The following ASB15 variants were observed in gnomAD, a reference collection of about 807,000 sequenced individuals.
ASB15 encodes ankyrin repeat and SOCS box protein 15.
Under a neutral mutation model 58.0 loss-of-function variants are expected in ASB15, and 54 were observed. The observed-to-expected ratio is 0.93, with a 90% CI of 0.75 to 1.17. The LOEUF is 1.17. ASB15 is among the 50% of genes most tolerant of loss of function. ASB15 has a pLI of 0.00. For missense variants in ASB15, 680 were observed against 707.4 expected (o/e 0.96, Z 0.44); for synonymous variants, 249 against 262.4 (o/e 0.95, Z 0.50).
intron 1 of ASB15, chr7:123,584,863 C>A (rs1799334463): frequency 6.6e-6 from 1 of 151,808 alleles, no homozygotes; most frequent in East Asian, 1.9e-4. Flanking sequence ...ACATATTTTC[C>A]TGGGTGAGAG....
chr7:123,572,409 G>A (rs1318001953), intron 1 of ASB15, among the ~76,000 whole-genome samples: 2 of 151,888 alleles, frequency 1.3e-5, no homozygotes, highest in African/African-American at 4.8e-5. Flanking sequence ...AAAGTACTGG[G>A]ATTACAGGCA....
chr7:123,624,490 A>T, intron 7 of ASB15, 79 bp from the exon 8 acceptor site: 1 of 1,360,570 alleles, frequency 7.3e-7, no homozygotes, highest in South Asian at 1.4e-5. Context: ...TTTCAATATT[A>T]AATTTAGTAA....
At chr7:123,609,932 T>C (rs1370602374) in intron 3 of ASB15, among the ~76,000 whole-genome samples, 2 of 152,230 alleles carry the variant, frequency 1.3e-5, no homozygotes. Flanking sequence ...CCAACTGGTA[T>C]GTCGATCCTG....
intron 11 of ASB15, 150 bp downstream of exon 11, chr7:123,630,269 T>C: frequency 3.6e-6 from 2 of 562,662 alleles, no homozygotes; most frequent in Non-Finnish European, 5.9e-6. Flanking sequence ...ACTTCCTCTG[T>C]TGTAAGATAC....
intron 1 of ASB15, among the ~76,000 whole-genome samples, chr7:123,602,548 A>G (rs567053061): frequency 1.8e-4 from 27 of 152,322 alleles, no homozygotes; most frequent in African/African-American, 6.3e-4. Flanking sequence ...ACTTCCACGA[A>G]GTAAAGCAGT....
At chr7:123,607,152 C>T (rs1800186969) in intron 2 of ASB15, among the ~76,000 whole-genome samples, 1 of 152,140 alleles carries the variant, frequency 6.6e-6, no homozygotes, top group East Asian at 1.9e-4. Flanking sequence ...TCAAGTTGTA[C>T]ATGGTAAATA....
At chr7:123,613,258 C>A (rs1800576588) in intron 3 of ASB15, among the ~76,000 whole-genome samples, 1 of 152,156 alleles carries the variant, frequency 6.6e-6, no homozygotes, top group Middle Eastern at 3.4e-3. Flanking sequence ...AAGCATGTGT[C>A]AACTGTGTTT....
chr7:123,608,361 C>A (rs531942786), intron 2 of ASB15, among the ~76,000 whole-genome samples: 1 of 152,110 alleles, frequency 6.6e-6, no homozygotes, highest in East Asian at 1.9e-4. Flanking sequence ...TTAGTAAATG[C>A]TGAGTTTTTA....
chr7:123,602,355 T>C (rs562663476), intron 1 of ASB15, among the ~76,000 whole-genome samples: 1 of 152,264 alleles, frequency 6.6e-6, no homozygotes, highest in East Asian at 1.9e-4. Context: ...GATTGAAACA[T>C]TTCTTTAAAT....
chr7:123,608,404 G>A (rs970217352), intron 2 of ASB15, among the ~76,000 whole-genome samples, 190 bp from the exon 3 acceptor site: 6 of 152,138 alleles, frequency 3.9e-5, no homozygotes, highest in Non-Finnish European at 8.8e-5. Context: ...AGTTTCTACA[G>A]ATCATTTTGC....
chr7:123,588,563 CT>C (rs1378519855), intron 1 of ASB15, among the ~76,000 whole-genome samples: 1 of 148,768 alleles, frequency 6.7e-6, no homozygotes, highest in Non-Finnish European at 1.5e-5. Flanking sequence ...TTCCTTCTTC[CT>C]TCCTTCCTTC....
At position 123,583,599 on chromosome 7, in the gene ASB15, C is replaced by T. The variant is rs567614559; in HGVS notation, c.-443+16511C>T. 3.9e-5 allele frequency among the ~76,000 whole-genome samples: 6 copies of T among 151,930 alleles called. No individual in the cohort carries two copies. The South Asian group carries it at 1.2e-3, about 32-fold the overall frequency. ...TTTTAAAAAGCTGATTTTGATAAAT[C>T]AACAACCCTTAGTCATAAAGTAAGT... On this transcript the variant is annotated intron_variant, in intron 1 of 13. Coordinates refer to the ASB15 transcript ENST00000451558.
rs775493379 is a variant in ASB15, at chr7:123,629,180, G to T, written c.1186G>T (p.Val396Phe). The change falls in exon 10 of 12, where the codon GTC becomes TTC. Residue 396 changes from valine (V) to phenylalanine (F), a missense_variant. Val to Phe is a conservative substitution (Grantham distance 50). Coordinates refer to ENST00000451215, the MANE Select transcript of ASB15 (RefSeq NM_001290258.2). ...AGTGAGGGCCAATAATTATGAAATT[G>T]TCAGGCTGCTTCTCTCCCATGGAGC... is the stretch of plus-strand genomic sequence containing the variant. The part of the protein sequence containing the change: ...VAVRANNYEI[V>F]RLLLSHGANV... 3 of 1,613,936 alleles carry T rather than the reference G, an allele frequency of 1.9e-6. No homozygotes were observed. The Admixed American group carries it at 5.0e-5, about 27-fold the overall frequency.
chr7:123,610,880 T>C (rs779332135), intron 3 of ASB15, among the ~76,000 whole-genome samples: 2 of 151,998 alleles, frequency 1.3e-5, no homozygotes, highest in East Asian at 1.9e-4. Context: ...TGGTGGCTCA[T>C]GCCTGTAATC....
At chr7:123,636,049 T>C (rs1324127195) in intron 11 of ASB15, among the ~76,000 whole-genome samples, 1 of 152,016 alleles carries the variant, frequency 6.6e-6, no homozygotes, top group African/African-American at 2.4e-5. Flanking sequence ...ACGAGATAAG[T>C]ACTGTTGTTA....
At position 123,629,385 on chromosome 7, in the gene ASB15, A is replaced by T; in HGVS notation, c.1391A>T (p.Gln464Leu). 1 of 1,613,720 alleles carries T rather than the reference A, an allele frequency of 6.2e-7. No homozygotes were observed. The highest frequency in any genetic ancestry group is 8.5e-7 in the Non-Finnish European group (1 of 1,179,986). The change falls in exon 10 of 12, where the codon CAG becomes CTG. Residue 464 changes from glutamine (Q) to leucine (L), a missense_variant. Transcript: ENST00000451215. ...AATTCATTTGTGTGGTCAGAGATAC[A>T]GGAAGAGGTGCTGCCAGGATGGACA... ...FGNSFVWSEI[Q>L]EEVLPGWTSC... is the part of the protein sequence containing the mutation.
At chr7:123,630,419 T>C (rs1335968534) in intron 11 of ASB15, among the ~76,000 whole-genome samples, 3 of 152,210 alleles carry the variant, frequency 2.0e-5, no homozygotes, top group Non-Finnish European at 4.4e-5. Flanking sequence ...GCAAGCTCCA[T>C]GTGGGTAGAG....
chr7:123,593,780 T>C lies in ASB15; in HGVS notation c.-442-10252T>C, dbSNP rs149397137. On this transcript the variant is annotated intron_variant, in intron 1 of 13. Transcript: ENST00000451558. ...TCTTGGGGTTGCTCTTCTCGAGGAATAGCTTTGTGGCGTTCTCTGTATTTC... is the reference window on the plus strand; with the variant it reads ...TCTTGGGGTTGCTCTTCTCGAGGAACAGCTTTGTGGCGTTCTCTGTATTTC... Among the ~76,000 whole-genome samples the C allele has an allele frequency of 1.4e-4, 22 of 152,284 alleles. No homozygotes were observed. The East Asian group carries it at 3.9e-3, about 27-fold the overall frequency.
At chr7:123,634,619 C>T (rs1802316114) in intron 11 of ASB15, among the ~76,000 whole-genome samples, 1 of 152,090 alleles carries the variant, frequency 6.6e-6, no homozygotes, top group Non-Finnish European at 1.5e-5. Flanking sequence ...ATCTTAAAAA[C>T]TGATAAAAGA....
Sources: allele counts gnomAD v4.1 joint callset (sites outside exome capture counted in the v4.1 genomes callset), GRCh38; gene constraint gnomAD v4.1.1; transcripts MANE v1.5; gene names NCBI Gene and HGNC (gene_info 2026-07-23, HGNC 2026-07-21).